GALNTL6: variants seen among roughly 807,000 people sequenced by gnomAD.
GALNTL6 encodes the protein polypeptide N-acetylgalactosaminyltransferase-like 6.
In GALNTL6, 46 loss-of-function variants were observed where a neutral mutation model predicts 73.7. That is an observed-to-expected ratio of 0.62 (90% CI 0.49 to 0.80). GALNTL6 has a LOEUF of 0.80. Ranked by LOEUF, GALNTL6 falls within the 30% of genes least tolerant of loss-of-function variation. The pLI is 0.00. For missense variants in GALNTL6, 604 were observed against 755.0 expected (o/e 0.80, Z 2.34); for synonymous variants, 259 against 263.7 (o/e 0.98, Z 0.17).
chr4:172,866,762 G>A (rs1744687758), intron 7 of GALNTL6, among the ~76,000 whole-genome samples: 1 of 151,968 alleles, frequency 6.6e-6, no homozygotes, highest in East Asian at 1.9e-4. Context: ...CTTTTCCCTG[G>A]CCAATTCCCT....
intron 2 of GALNTL6, among the ~76,000 whole-genome samples, chr4:172,151,052 C>T (rs1240002496): frequency 6.6e-6 from 1 of 152,076 alleles, no homozygotes; most frequent in Non-Finnish European, 1.5e-5. Flanking sequence ...AAGAACACAT[C>T]CAGTGATATT....
chr4:172,214,697 T>A (rs1736441513), intron 2 of GALNTL6, among the ~76,000 whole-genome samples: 1 of 151,978 alleles, frequency 6.6e-6, no homozygotes, highest in African/African-American at 2.4e-5. Flanking sequence ...GTATTTTTAG[T>A]AGAGACAGGG....
rs202039860 is a variant in GALNTL6 at position 172,331,135 on chromosome 4, TGTTA to T, written c.387-17384_387-17381del. On this transcript the variant is annotated intron_variant, in intron 4 of 12. Transcript: ENST00000506823. ...ATCATTTCACTTAATTTTTTCTCAT[TGTTA>T]GTTCATTTTTTGTTCTTTTAATGGT... 8.2e-3 allele frequency among the ~76,000 whole-genome samples: 1,252 copies of T among 152,192 alleles called. 13 individuals carry two copies. The highest frequency in any genetic ancestry group is 0.028 in the African/African-American group (1,183 of 41,522).
chr4:173,001,783 A>G (rs1296829537), intron 10 of GALNTL6, among the ~76,000 whole-genome samples: 1 of 152,230 alleles, frequency 6.6e-6, no homozygotes, highest in Non-Finnish European at 1.5e-5. Flanking sequence ...ATCATTAGTC[A>G]TTAGGGAAAA....
At chr4:172,753,460 G>A (rs1413052920) in intron 5 of GALNTL6, among the ~76,000 whole-genome samples, 1 of 152,146 alleles carries the variant, frequency 6.6e-6, no homozygotes, top group Non-Finnish European at 1.5e-5. Flanking sequence ...GTAAAATTAT[G>A]TGATGAAGTT....
intron 2 of GALNTL6, among the ~76,000 whole-genome samples, chr4:172,127,631 T>A (rs557186596): frequency 2.6e-5 from 4 of 152,240 alleles, no homozygotes; most frequent in South Asian, 2.1e-4. Flanking sequence ...ATCACCTAAG[T>A]AAGAATCTGA....
intron 4 of GALNTL6, among the ~76,000 whole-genome samples, chr4:172,328,921 A>G (rs1741031144): frequency 1.3e-5 from 2 of 152,192 alleles, no homozygotes; most frequent in South Asian, 4.1e-4. Context: ...TGTTTGGAGA[A>G]CATAAAACAC....
rs113117550 is a variant in GALNTL6 at position 171,858,937 on chromosome 4, T to A, written c.138+44219T>A. On this transcript the variant is annotated intron_variant, in intron 2 of 12. Coordinates refer to ENST00000506823, the MANE Select transcript of GALNTL6 (RefSeq NM_001034845.3). ...GTCAAACTTTTTAATAAGCCCTTAA[T>A]GTTAAGAATAACATTAATTTTTGCA... is the stretch of plus-strand genomic sequence containing the variant. Among the ~76,000 whole-genome samples, 706 of 152,312 alleles carry A rather than the reference T, an allele frequency of 4.6e-3. 5 individuals carry two copies. The highest frequency in any genetic ancestry group is 0.016 in the African/African-American group (670 of 41,582).
In GALNTL6 at chr4:172,379,973, G is replaced by T. The variant is rs1390691365; in HGVS notation, c.553+31284G>T. ...CTTGTCCATTAAATGTAAACCAAAAGAAAGAAGTCTTGGCAGAACAGGAGA... is the reference window on the plus strand; with the variant it reads ...CTTGTCCATTAAATGTAAACCAAAATAAAGAAGTCTTGGCAGAACAGGAGA... On this transcript the variant is annotated intron_variant, in intron 5 of 12. Coordinates refer to ENST00000506823, the MANE Select transcript of GALNTL6 (RefSeq NM_001034845.3). The T allele has an allele frequency of 6.3e-6, 5 of 790,600 alleles. No homozygotes were observed. In the African/African-American group the frequency reaches 8.7e-5, roughly 14 times the overall value. 49.0% of individuals were successfully genotyped at this position (790,600 alleles called of 1,614,324 possible).
intron 2 of GALNTL6, among the ~76,000 whole-genome samples, chr4:172,014,357 T>C (rs186412315): frequency 2.6e-5 from 4 of 152,184 alleles, no homozygotes; most frequent in African/African-American, 7.2e-5. Context: ...AAGAGTTCCC[T>C]TTTCTCTACA....
At chr4:172,595,087 A>G (rs1008886662) in intron 5 of GALNTL6, among the ~76,000 whole-genome samples, 1 of 152,176 alleles carries the variant, frequency 6.6e-6, no homozygotes, top group Non-Finnish European at 1.5e-5. Flanking sequence ...TAAGTGCACT[A>G]ATCCCATTCA....
chr4:172,736,912 C>A (rs552753571), intron 5 of GALNTL6, among the ~76,000 whole-genome samples: 5 of 152,304 alleles, frequency 3.3e-5, no homozygotes, highest in African/African-American at 9.6e-5. Flanking sequence ...AATTCCCCTG[C>A]ACATGCTCTC....
intron 2 of GALNTL6, among the ~76,000 whole-genome samples, chr4:172,084,718 T>C (rs1197960559): frequency 6.6e-6 from 1 of 152,210 alleles, no homozygotes; most frequent in Non-Finnish European, 1.5e-5. Flanking sequence ...GATCAGGCAA[T>C]TTGGCCTATC....
chr4:172,623,018 C>T (rs1429599255), intron 5 of GALNTL6, among the ~76,000 whole-genome samples: 1 of 152,026 alleles, frequency 6.6e-6, no homozygotes, highest in African/African-American at 2.4e-5. Context: ...GATGTAAACA[C>T]TAAGGGCTCC....
intron 5 of GALNTL6, among the ~76,000 whole-genome samples, chr4:172,580,667 C>T (rs1737145250): frequency 6.6e-6 from 1 of 152,218 alleles, no homozygotes; most frequent in Admixed American, 6.5e-5. Flanking sequence ...AATAATTCAG[C>T]ACCTACTAGC....
At chr4:172,392,209 A>C (rs1172896016) in intron 5 of GALNTL6, among the ~76,000 whole-genome samples, 1 of 152,060 alleles carries the variant, frequency 6.6e-6, no homozygotes, top group Non-Finnish European at 1.5e-5. Context: ...GGCTGGTCTC[A>C]AACTCCAGAG....
intron 7 of GALNTL6, among the ~76,000 whole-genome samples, chr4:172,847,998 T>G: frequency 6.6e-6 from 1 of 152,224 alleles, no homozygotes; most frequent in Non-Finnish European, 1.5e-5. Flanking sequence ...TTGTATTATG[T>G]ACATCTAGAA....
At chr4:172,195,048 G>A (rs56049840) in intron 2 of GALNTL6, among the ~76,000 whole-genome samples, 3,417 of 152,130 alleles carry the variant, frequency 0.022, 44 homozygotes, top group Non-Finnish European at 0.032. Context: ...GTAGTTAAGA[G>A]ACCCATCTCA....
intron 2 of GALNTL6, among the ~76,000 whole-genome samples, chr4:172,208,565 A>C (rs144056667): frequency 6.6e-6 from 1 of 152,302 alleles, no homozygotes; most frequent in Non-Finnish European, 1.5e-5. Context: ...TTTTGATGGC[A>C]TGTTGTAAAT....
Sources: gnomAD v4.1 joint callset for allele counts (sites outside exome capture counted in the v4.1 genomes callset) on GRCh38, gnomAD v4.1.1 for gene constraint, MANE v1.5 for transcripts, NCBI Gene and HGNC (gene_info 2026-07-23, HGNC 2026-07-21) for gene names.